The following REEP3 variants were observed in gnomAD, a reference collection of about 807,000 sequenced individuals.
REEP3 encodes the protein receptor accessory protein 3.
A neutral mutation model predicts 41.3 loss-of-function variants in REEP3; 20 were observed. That is an observed-to-expected ratio of 0.48 (90% CI 0.34 to 0.70). The LOEUF (loss-of-function observed/expected upper bound fraction) is 0.70, where lower values mean the gene tolerates loss of function less well. Among genes scored for constraint, REEP3 ranks in the 30% least tolerant of loss-of-function variants. The probability of loss-of-function intolerance (pLI) is 0.01; values close to 1 mark genes in which losing one functional copy is unlikely to be tolerated. For missense variants in REEP3, 271 were observed against 308.8 expected (o/e 0.88, Z 0.92); for synonymous variants, 104 against 101.8 (o/e 1.02, Z -0.13).
chr10:63,611,559 A>G (rs761244064), intron 6 of REEP3, among the ~76,000 whole-genome samples: 2 of 152,180 alleles, frequency 1.3e-5, no homozygotes, highest in African/African-American at 2.4e-5. Context: ...CACATATAAT[A>G]AGAAAGTTTT....
At chr10:63,565,012 C>T (rs962301213) in intron 1 of REEP3, among the ~76,000 whole-genome samples, 3 of 152,208 alleles carry the variant, frequency 2.0e-5, no homozygotes, top group Non-Finnish European at 4.4e-5. Context: ...AATCCCAGCA[C>T]TTTGGGAGGC....
intron 2 of REEP3, among the ~76,000 whole-genome samples, chr10:63,567,797 T>G (rs1159628252): frequency 6.6e-6 from 1 of 151,986 alleles, no homozygotes; most frequent in Non-Finnish European, 1.5e-5. Flanking sequence ...ATTTTCAGGG[T>G]TTTTGGGGGG....
intron 1 of REEP3, among the ~76,000 whole-genome samples, chr10:63,561,068 G>A (rs913141887): frequency 2.0e-4 from 30 of 152,178 alleles, no homozygotes; most frequent in African/African-American, 7.2e-4. Flanking sequence ...TTACAAGAAA[G>A]AGGTGTTAAG....
At chr10:63,609,603 A>T (rs1174723063) in intron 5 of REEP3, among the ~76,000 whole-genome samples, 1 of 152,050 alleles carries the variant, frequency 6.6e-6, no homozygotes, top group Non-Finnish European at 1.5e-5. Flanking sequence ...TCTGTTAAAA[A>T]TACAAAAATT....
chr10:63,554,980 T>C (rs886317139), intron 1 of REEP3, among the ~76,000 whole-genome samples: 1 of 152,010 alleles, frequency 6.6e-6, no homozygotes, highest in Non-Finnish European at 1.5e-5. Flanking sequence ...GAAGTTTGAG[T>C]CTGAGTTGCT....
In REEP3 at chr10:63,556,626, GTTGTTTTGTTTTT is replaced by G. The variant is rs1955686440; in HGVS notation, c.33-9709_33-9697del. ...TTTCTGTTTGCTTGTTTTTTTTTTT[GTTGTTTTGTTTTT>G]TTTTTTTTTTTTTTGAGACGGAGTC... is the stretch of plus-strand genomic sequence containing the variant. On this transcript the variant is annotated intron_variant, in intron 1 of 7. Transcript: ENST00000373758. Among the ~76,000 whole-genome samples, 28 of 87,098 alleles carry G rather than the reference GTTGTTTTGTTTTT, an allele frequency of 3.2e-4. 3 individuals are homozygous for G. The South Asian group carries it at 7.9e-3, about 25-fold the overall frequency. 57.1% of individuals were successfully genotyped at this position (87,098 alleles called of 152,430 possible). A position where few individuals can be genotyped will look rare whatever the true frequency, so the allele number is the denominator to read the frequency against.
At chr10:63,566,763 C>T (rs1955803345) in intron 2 of REEP3, among the ~76,000 whole-genome samples, 1 of 152,060 alleles carries the variant, frequency 6.6e-6, no homozygotes, top group Admixed American at 6.5e-5. Context: ...TCTCTCTGGC[C>T]TCAAAGCTTT....
At chr10:63,547,495 A>G (rs1427501915) in intron 1 of REEP3, among the ~76,000 whole-genome samples, 1 of 152,208 alleles carries the variant, frequency 6.6e-6, no homozygotes, top group African/African-American at 2.4e-5. Context: ...TAGCCAAGAA[A>G]CATAGGAAAA....
intron 1 of REEP3, among the ~76,000 whole-genome samples, chr10:63,555,403 G>A (rs372263552): frequency 1.3e-3 from 193 of 152,280 alleles, no homozygotes; most frequent in Non-Finnish European, 1.7e-3. Context: ...CTTAAAATTT[G>A]TGTAAGACAA....
intron 2 of REEP3, among the ~76,000 whole-genome samples, chr10:63,568,275 T>G (rs575111795): frequency 6.6e-6 from 1 of 151,714 alleles, no homozygotes; most frequent in African/African-American, 2.4e-5. Flanking sequence ...GTTTGTTTTT[T>G]TTTTTTTTTG....
At chr10:63,521,622 G>A (rs1198177081) in intron 1 of REEP3, 45 bp downstream of exon 1, 6 of 1,354,836 alleles carry the variant, frequency 4.4e-6, no homozygotes, top group East Asian at 6.4e-5. Flanking sequence ...GAGGCCCAGG[G>A]GAGCTGTGGG....
intron 6 of REEP3, among the ~76,000 whole-genome samples, chr10:63,611,127 A>G (rs1956274304): frequency 6.6e-6 from 1 of 152,206 alleles, no homozygotes; most frequent in Non-Finnish European, 1.5e-5. Context: ...TCATCTAGCT[A>G]ACAAAGTAGC....
At chr10:63,571,949 C>T (rs1265157463) in intron 2 of REEP3, among the ~76,000 whole-genome samples, 1 of 152,094 alleles carries the variant, frequency 6.6e-6, no homozygotes, top group African/African-American at 2.4e-5. Flanking sequence ...TCTAGCTTCA[C>T]GTAAAAGTTG....
intron 6 of REEP3, among the ~76,000 whole-genome samples, chr10:63,614,080 TCAA>T (rs1194485446): frequency 6.6e-6 from 1 of 152,202 alleles, no homozygotes; most frequent in Non-Finnish European, 1.5e-5. Flanking sequence ...GGGTTCAGAT[TCAA>T]CAATCCAGTA....
Position 63,542,738 on chromosome 10 carries a change from T to C in REEP3, c.32+21161T>C, listed in dbSNP as rs528274801. On this transcript the variant is annotated intron_variant, in intron 1 of 7. Coordinates refer to ENST00000373758, the MANE Select transcript of REEP3 (RefSeq NM_001001330.3). ...GAAAAATAAGCTTCTGGAATTTTTA[T>C]ATTTTGGAGTTTTTTCACATCTTAA... Among the ~76,000 whole-genome samples the C allele has an allele frequency of 3.9e-5, 6 of 152,322 alleles. No homozygotes were observed. The South Asian group carries it at 8.3e-4, about 21-fold the overall frequency.
At chr10:63,546,260 CG>C (rs1474742097) in intron 1 of REEP3, among the ~76,000 whole-genome samples, 1 of 152,102 alleles carries the variant, frequency 6.6e-6, no homozygotes, top group Non-Finnish European at 1.5e-5. Context: ...AGCTTGGAAA[CG>C]AGTTAAGAGG....
intron 1 of REEP3, among the ~76,000 whole-genome samples, chr10:63,558,742 CA>C (rs5785581): frequency 1.3e-5 from 2 of 150,996 alleles, no homozygotes; most frequent in African/African-American, 4.9e-5. Context: ...GACTCTGTGT[CA>C]AAAAAAATAA....
At chr10:63,544,970 A>G (rs1240675691) in intron 1 of REEP3, among the ~76,000 whole-genome samples, 1 of 152,178 alleles carries the variant, frequency 6.6e-6, no homozygotes, top group African/African-American at 2.4e-5. Context: ...GCAAAATACA[A>G]AGGAACAGTG....
At chr10:63,550,999 CAATT>C (rs996118769) in intron 1 of REEP3, among the ~76,000 whole-genome samples, 50 of 152,198 alleles carry the variant, frequency 3.3e-4, no homozygotes, top group African/African-American at 1.0e-3. Flanking sequence ...ATAAAACAGA[CAATT>C]AACATATAAA....
Sources: allele counts gnomAD v4.1 joint callset (sites outside exome capture counted in the v4.1 genomes callset), GRCh38; gene constraint gnomAD v4.1.1; transcripts MANE v1.5; gene names NCBI Gene and HGNC (gene_info 2026-07-23, HGNC 2026-07-21).